CTNNA1: variants seen among roughly 807,000 people sequenced by gnomAD.
CTNNA1 encodes the protein catenin alpha 1, also known as catenin alpha-1.
Under a neutral mutation model 98.4 loss-of-function variants are expected in CTNNA1, and 37 were observed. That is an observed-to-expected ratio of 0.38 (90% CI 0.29 to 0.49). The LOEUF (loss-of-function observed/expected upper bound fraction) is 0.49, where lower values mean the gene tolerates loss of function less well. Ranked by LOEUF, CTNNA1 falls within the 20% of genes least tolerant of loss-of-function variation. The probability of loss-of-function intolerance (pLI) is 0.95; values close to 1 mark genes in which losing one functional copy is unlikely to be tolerated. For missense variants in CTNNA1, 761 were observed against 1,147.2 expected (o/e 0.66, Z 4.86); for synonymous variants, 404 against 413.2 (o/e 0.98, Z 0.27).
intron 13 of CTNNA1, among the ~76,000 whole-genome samples, chr5:138,926,216 C>A (rs1764001315): frequency 6.6e-6 from 1 of 152,148 alleles, no homozygotes; most frequent in African/African-American, 2.4e-5. Flanking sequence ...ACTGTGGGGT[C>A]TTCAGTCAGT....
chr5:138,870,545 G>A (rs776918196), intron 7 of CTNNA1: 2 of 152,154 alleles, frequency 1.3e-5, no homozygotes, highest in South Asian at 4.1e-4. Context: ...GTACACTAAG[G>A]ATTTTGCCAG....
chr5:138,823,696 G>A (rs1020612672), intron 5 of CTNNA1, among the ~76,000 whole-genome samples: 14 of 152,078 alleles, frequency 9.2e-5, no homozygotes, highest in East Asian at 1.9e-4. Flanking sequence ...GGTGGCTCAC[G>A]CCTGTAATCC....
chr5:138,887,354 C>T (rs868717818), intron 8 of CTNNA1, 136 bp from the exon 9 acceptor site: 46 of 581,276 alleles, frequency 7.9e-5, no homozygotes, highest in Middle Eastern at 4.5e-4. Flanking sequence ...GCATGGCTTA[C>T]ATGAGGGGTC....
chr5:138,883,256 C>T (rs960559188), intron 7 of CTNNA1, among the ~76,000 whole-genome samples: 2 of 152,144 alleles, frequency 1.3e-5, no homozygotes, highest in Non-Finnish European at 1.5e-5. Context: ...ATCTCTATTA[C>T]ATTTTAAATG....
chr5:138,754,842 C>G (rs1481087950), intron 1 of CTNNA1: 1 of 151,800 alleles, frequency 6.6e-6, no homozygotes, highest in Non-Finnish European at 1.5e-5. Flanking sequence ...ACTGCGGCTT[C>G]TGTCTCCTGG....
chr5:138,761,031 A>G (rs1206429732), intron 1 of CTNNA1, among the ~76,000 whole-genome samples: 1 of 152,234 alleles, frequency 6.6e-6, no homozygotes, highest in Non-Finnish European at 1.5e-5. Context: ...GTTCCTTGTC[A>G]GGGATGTTAG....
At chr5:138,857,433 TC>T (rs1342979173) in intron 7 of CTNNA1, among the ~76,000 whole-genome samples, 1 of 152,148 alleles carries the variant, frequency 6.6e-6, no homozygotes, top group Non-Finnish European at 1.5e-5. Flanking sequence ...ATCCTGCTGT[TC>T]CTTTTGTACC....
At chr5:138,893,844 G>A (rs1423894267) in intron 9 of CTNNA1, among the ~76,000 whole-genome samples, 1 of 151,900 alleles carries the variant, frequency 6.6e-6, no homozygotes, top group Non-Finnish European at 1.5e-5. Context: ...GGCTGGTCTC[G>A]AACTCCTGAC....
At chr5:138,759,191 T>G (rs1285537778) in intron 1 of CTNNA1, among the ~76,000 whole-genome samples, 4 of 152,366 alleles carry the variant, frequency 2.6e-5, no homozygotes, top group South Asian at 4.1e-4. Context: ...CTTTTTAATT[T>G]TTTTTTGAAA....
At chr5:138,822,138 G>A (rs1760109020) in intron 5 of CTNNA1, among the ~76,000 whole-genome samples, 1 of 152,152 alleles carries the variant, frequency 6.6e-6, no homozygotes, top group South Asian at 2.1e-4. Flanking sequence ...TGTGATAAGG[G>A]CAAGACAATT....
chr5:138,810,380 C>G (rs1376685638), intron 4 of CTNNA1, among the ~76,000 whole-genome samples, 176 bp downstream of exon 4: 2 of 152,130 alleles, frequency 1.3e-5, no homozygotes, highest in African/African-American at 4.8e-5. Flanking sequence ...ATATATCATC[C>G]TGGCTCTGTT....
chr5:138,843,891 A>G (rs61703811), intron 7 of CTNNA1, among the ~76,000 whole-genome samples: 7,602 of 152,264 alleles, frequency 0.05, 517 homozygotes, highest in African/African-American at 0.16. Context: ...GATTCCCCCA[A>G]AAGGAGTCTA....
At chr5:138,925,053 A>G (rs1045564467) in intron 12 of CTNNA1, among the ~76,000 whole-genome samples, 1 of 152,208 alleles carries the variant, frequency 6.6e-6, no homozygotes, top group African/African-American at 2.4e-5. Context: ...TCAACCATCC[A>G]ATCTCTGTTG....
intron 7 of CTNNA1, chr5:138,872,043 TGTGTGTGTGTGTGTGTGTGTGTGTGC>T (rs1581373355): frequency 7.4e-6 from 1 of 134,240 alleles, no homozygotes. Flanking sequence ...TGTGTGTGTG[TGTGTGTGTGTGTGTGTGTGTGTGTGC>T]GCTTTTAAAT....
At chr5:138,892,384 G>A (rs1227485810) in intron 9 of CTNNA1, among the ~76,000 whole-genome samples, 1 of 122,830 alleles carries the variant, frequency 8.1e-6, no homozygotes, top group African/African-American at 3.2e-5. Context: ...CTGTCGCCCA[G>A]GCTGGAGTGC....
At chr5:138,857,356 T>A (rs1331988773) in intron 7 of CTNNA1, among the ~76,000 whole-genome samples, 4 of 152,186 alleles carry the variant, frequency 2.6e-5, no homozygotes, top group African/African-American at 9.7e-5. Context: ...CAGAGTAACT[T>A]CACTATTAAT....
intron 9 of CTNNA1, among the ~76,000 whole-genome samples, chr5:138,890,616 C>A (rs746585859): frequency 6.6e-6 from 1 of 152,162 alleles, no homozygotes; most frequent in African/African-American, 2.4e-5. Context: ...ATCCTCTTGT[C>A]ACATTGATGT....
At chr5:138,815,393 T>C (rs1297202000) in intron 5 of CTNNA1, among the ~76,000 whole-genome samples, 3 of 152,136 alleles carry the variant, frequency 2.0e-5, no homozygotes, top group East Asian at 1.9e-4. Flanking sequence ...TGGATTTCAT[T>C]TGTGGGCTCC....
At chr5:138,805,037 A>G (rs963258341) in intron 3 of CTNNA1, among the ~76,000 whole-genome samples, 3 of 152,124 alleles carry the variant, frequency 2.0e-5, no homozygotes, top group Non-Finnish European at 4.4e-5. Context: ...GGAGCTAGGC[A>G]TCTAACATGG....
Sources: allele counts gnomAD v4.1 joint callset (sites outside exome capture counted in the v4.1 genomes callset), GRCh38; gene constraint gnomAD v4.1.1; transcripts MANE v1.5; gene names NCBI Gene and HGNC (gene_info 2026-07-23, HGNC 2026-07-21).